The following CPQ variants were observed in gnomAD, a reference collection of about 807,000 sequenced individuals.
CPQ encodes the protein Ser-Met dipeptidase.
A neutral mutation model predicts 45.7 loss-of-function variants in CPQ; 37 were observed. That is an observed-to-expected ratio of 0.81 (90% confidence interval 0.62 to 1.07). CPQ has a LOEUF of 1.07. Ranked by LOEUF, CPQ falls within the 50% of genes least tolerant of loss-of-function variation. The pLI is 0.00. For synonymous variants in CPQ, 186 were observed against 205.8 expected, an observed-to-expected ratio of 0.90 and a Z score of 0.82; for missense variants, 537 against 572.9, an observed-to-expected ratio of 0.94 and a Z score of 0.64.
chr8:97,083,885 T>C (rs2130555395), intron 7 of CPQ, among the ~76,000 whole-genome samples: 1 of 152,336 alleles, frequency 6.6e-6, no homozygotes, highest in East Asian at 1.9e-4. Context: ...ATGCATTTTC[T>C]GTGACCTGGA....
intron 2 of CPQ, among the ~76,000 whole-genome samples, chr8:96,803,849 A>T (rs1811039484): frequency 6.6e-6 from 1 of 152,180 alleles, no homozygotes; most frequent in South Asian, 2.1e-4. Flanking sequence ...GCTGCCTGTA[A>T]TCTGTCTCCC....
At chr8:96,729,698 A>G (rs1297392643) in intron 1 of CPQ, among the ~76,000 whole-genome samples, 2 of 152,076 alleles carry the variant, frequency 1.3e-5, no homozygotes, top group Non-Finnish European at 2.9e-5. Context: ...CATAACTGTA[A>G]TACTATTATC....
chr8:96,936,209 T>C (rs1027410247), intron 4 of CPQ, among the ~76,000 whole-genome samples: 1 of 152,132 alleles, frequency 6.6e-6, no homozygotes, highest in African/African-American at 2.4e-5. Flanking sequence ...GGAGGTAAGA[T>C]TGGTGGCAGG....
intron 1 of CPQ, among the ~76,000 whole-genome samples, chr8:96,737,336 T>A (rs2319922): frequency 0.6 from 75,998 of 126,456 alleles, 24,037 homozygotes; most frequent in East Asian, 0.86. Context: ...ATACACACAC[T>A]CACACAGAAC....
chr8:96,975,736 C>T (rs1185468571), intron 5 of CPQ, among the ~76,000 whole-genome samples: 1 of 151,986 alleles, frequency 6.6e-6, no homozygotes, highest in Admixed American at 6.6e-5. Flanking sequence ...GAATTAAAAA[C>T]AAAAATCACA....
rs375992299 is a variant in CPQ, at chr8:96,739,868, A to T, written c.-34-44996A>T. Among the ~76,000 whole-genome samples, 689 of 151,762 alleles carry T rather than the reference A, an allele frequency of 4.5e-3. 9 individuals carry two copies. Among genetic ancestry groups the T allele is most frequent in the African/African-American group, 0.011 (471 of 41,264 alleles). Reference sequence around the variant, plus strand: ...CATGCTGTTTTGGTTACTGTAGCCTAGTAGTATAGTTTGAAGTCAGGTAGT... The same window carrying T: ...CATGCTGTTTTGGTTACTGTAGCCTTGTAGTATAGTTTGAAGTCAGGTAGT... On this transcript the variant is annotated intron_variant, in intron 1 of 7. Coordinates refer to ENST00000220763, the MANE Select transcript of CPQ (RefSeq NM_016134.4).
chr8:96,851,245 G>C (rs1191047596), intron 3 of CPQ, among the ~76,000 whole-genome samples: 1 of 152,140 alleles, frequency 6.6e-6, no homozygotes, highest in African/African-American at 2.4e-5. Flanking sequence ...AACTACAAAT[G>C]AAAAATACGT....
At chr8:96,920,283 A>G (rs572530557) in intron 4 of CPQ, among the ~76,000 whole-genome samples, 11 of 152,246 alleles carry the variant, frequency 7.2e-5, no homozygotes, top group African/African-American at 2.4e-4. Flanking sequence ...TATTAAATTG[A>G]AAGATTGTGT....
chr8:96,862,044 G>A (rs912558958), intron 3 of CPQ, among the ~76,000 whole-genome samples: 1 of 152,040 alleles, frequency 6.6e-6, no homozygotes, highest in African/African-American at 2.4e-5. Flanking sequence ...GGTGTCATAG[G>A]TAAGGTAGTG....
chr8:96,715,302 G>C (rs1215228172), intron 1 of CPQ, among the ~76,000 whole-genome samples: 1 of 152,096 alleles, frequency 6.6e-6, no homozygotes, highest in Non-Finnish European at 1.5e-5. Flanking sequence ...TCCCAGCCAG[G>C]CCAGCAGGAA....
rs200716202 is a variant in CPQ at position 96,695,786 on chromosome 8, G to A, written c.-35+50384G>A. Among the ~76,000 whole-genome samples the A allele has an allele frequency of 9.5e-4, 144 of 150,918 alleles. 1 individual carries two copies. The East Asian group carries it at 0.023, about 24-fold the overall frequency. ...GAATGGCGATCATTAAAAAGTCAGG[G>A]AACAACAGGTGCTGGAGAGGATGTG... On this transcript the variant is annotated intron_variant, in intron 1 of 7. Transcript: ENST00000220763.
chr8:97,058,490 G>A (rs76555671), intron 6 of CPQ, among the ~76,000 whole-genome samples: 1 of 152,124 alleles, frequency 6.6e-6, no homozygotes, highest in Non-Finnish European at 1.5e-5. Context: ...CAGTGTTAAG[G>A]GAAAATGGTC....
chr8:96,769,029 C>A (rs1810506084), intron 1 of CPQ, among the ~76,000 whole-genome samples: 1 of 152,176 alleles, frequency 6.6e-6, no homozygotes, highest in Admixed American at 6.6e-5. Context: ...TATATATCTC[C>A]AACTTTATAG....
At chr8:96,733,300 T>C (rs1809938687) in intron 1 of CPQ, among the ~76,000 whole-genome samples, 1 of 152,224 alleles carries the variant, frequency 6.6e-6, no homozygotes, top group Non-Finnish European at 1.5e-5. Context: ...CTACCAAAGA[T>C]AAGACACTGA....
chr8:96,726,171 G>T (rs1346519170), intron 1 of CPQ, among the ~76,000 whole-genome samples: 1 of 151,992 alleles, frequency 6.6e-6, no homozygotes, highest in South Asian at 2.1e-4. Context: ...GGGATCATTC[G>T]TACCCCAAAC....
chr8:97,006,206 G>C (rs1021011551), intron 5 of CPQ, among the ~76,000 whole-genome samples: 2 of 152,160 alleles, frequency 1.3e-5, no homozygotes, highest in African/African-American at 4.8e-5. Flanking sequence ...GGTGAAAACA[G>C]TTTTGAAACT....
rs144602204 is a variant in CPQ at position 97,121,245 on chromosome 8, A to C, written c.1256-21775A>C. Among the ~76,000 whole-genome samples the C allele has an allele frequency of 3.5e-3, 534 of 152,334 alleles. 6 individuals carry two copies. The highest frequency in any genetic ancestry group is 0.012 in the African/African-American group (517 of 41,578). On this transcript the variant is annotated intron_variant, in intron 7 of 7. Coordinates refer to ENST00000220763, the MANE Select transcript of CPQ (RefSeq NM_016134.4). ...TTCTGCCTCAGGCCATTAGAGAAAAACTGGTTTGGGACTTGTCCTTTGCCA... is the reference window on the plus strand; with the variant it reads ...TTCTGCCTCAGGCCATTAGAGAAAACCTGGTTTGGGACTTGTCCTTTGCCA...
intron 2 of CPQ, among the ~76,000 whole-genome samples, chr8:96,815,649 A>C (rs1233547937): frequency 6.6e-6 from 1 of 152,162 alleles, no homozygotes; most frequent in Non-Finnish European, 1.5e-5. Context: ...CTAATGTACT[A>C]AGCTAATTAT....
intron 1 of CPQ, among the ~76,000 whole-genome samples, chr8:96,724,490 GACACACACACACACAC>G (rs146087978): frequency 2.5e-4 from 36 of 144,690 alleles, no homozygotes; most frequent in Non-Finnish European, 4.7e-4. Context: ...ATTTAGAGTA[GACACACACACACACAC>G]ACACACACAC....
Sources: allele counts gnomAD v4.1 joint callset (sites outside exome capture counted in the v4.1 genomes callset), GRCh38; gene constraint gnomAD v4.1.1; transcripts MANE v1.5; gene names NCBI Gene and HGNC (gene_info 2026-07-23, HGNC 2026-07-21).